Variants in DDAH1 observed in about 807,000 individuals in gnomAD.
DDAH1 encodes the protein N(G),N(G)-dimethylarginine dimethylaminohydrolase 1.
In DDAH1, 19 loss-of-function variants were observed where a neutral mutation model predicts 28.8. The observed-to-expected ratio is 0.66, with a 90% CI of 0.46 to 0.97. The LOEUF (loss-of-function observed/expected upper bound fraction) is 0.97, where lower values mean the gene tolerates loss of function less well. Ranked by LOEUF, DDAH1 falls within the 50% of genes least tolerant of loss-of-function variation. DDAH1 has a pLI of 0.00. For synonymous variants in DDAH1, 153 were observed against 154.4 expected (o/e 0.99, Z 0.07); for missense variants, 326 against 375.9 (o/e 0.87, Z 1.10).
chr1:85,336,988 A>G (rs147734801), intron 4 of DDAH1, among the ~76,000 whole-genome samples: 89 of 152,334 alleles, frequency 5.8e-4, no homozygotes, highest in Middle Eastern at 6.8e-3. Flanking sequence ...TCAAAAAGAT[A>G]TTACACCATG....
chr1:85,321,577 G>A lies in DDAH1; in HGVS notation c.742-9C>T. 1 of 1,582,552 alleles carries A rather than the reference G, an allele frequency of 6.3e-7. No individual in the cohort carries two copies. The highest frequency in any genetic ancestry group is 8.7e-7 in the Non-Finnish European group (1 of 1,151,664). On this transcript the variant is annotated splice_polypyrimidine_tract_variant and intron_variant, in intron 5 of 5. Coordinates refer to ENST00000284031, the MANE Select transcript of DDAH1 (RefSeq NM_012137.4). ...TTCAGTTTCTCATAAACCTACAGTG[G>A]GAATCAAGGAAAAGGAAGAAAAGAA...
At chr1:85,575,616 T>A (rs1486746757) in intron 1 of DDAH1, among the ~76,000 whole-genome samples, 1 of 152,246 alleles carries the variant, frequency 6.6e-6, no homozygotes, top group East Asian at 1.9e-4. Context: ...TATCAACTAT[T>A]TTTTATATCT....
intron 1 of DDAH1, among the ~76,000 whole-genome samples, chr1:85,425,487 A>G (rs1296688734): frequency 6.6e-6 from 1 of 152,202 alleles, no homozygotes; most frequent in African/African-American, 2.4e-5. Flanking sequence ...CAAACATAAA[A>G]TATCAAACAC....
At chr1:85,575,701 G>A (rs1659582342) in intron 1 of DDAH1, 1 of 152,202 alleles carries the variant, frequency 6.6e-6, no homozygotes, top group African/African-American at 2.4e-5. Context: ...AGAAGAGGAT[G>A]GGCCTGAATG....
intron 1 of DDAH1, among the ~76,000 whole-genome samples, chr1:85,499,666 C>CA (rs56378574): frequency 0.39 from 51,941 of 134,764 alleles, 9,781 homozygotes; most frequent in South Asian, 0.48. Context: ...GACTCCATCT[C>CA]AAAAAAAAAA....
rs233096 is a variant in DDAH1 at position 85,359,469 on chromosome 1, G to A, written c.304-622C>T. ...GCACCCAATTATCCTACCCTTGCCA[G>A]GAAATACAAGATTCCATTTTAAATC... On this transcript the variant is annotated intron_variant, in intron 1 of 5. Transcript: ENST00000284031. Among the ~76,000 whole-genome samples, 1,472 of 152,216 alleles carry A rather than the reference G, an allele frequency of 9.7e-3. 26 individuals carry two copies. The highest frequency in any genetic ancestry group is 0.034 in the African/African-American group (1,406 of 41,524).
rs1207658138 is a variant in DDAH1 at position 85,464,920 on chromosome 1, G to A, written c.126C>T (p.Arg42=). 6 of 1,554,712 alleles carry A rather than the reference G, an allele frequency of 3.9e-6. No homozygotes were observed. The Admixed American group carries it at 7.3e-5, about 19-fold the overall frequency. The change falls in exon 1 of 6, where the codon CGC becomes CGT. Residue 42 remains arginine, a synonymous_variant. Transcript: ENST00000284031. This position sits in a 1 kb window ranked among gnomAD's most constrained non-coding sequence, Gnocchi z 4.4. The part of the protein sequence containing the change: ...SAKGEEVDVA[R]AERQHQLYVG... Reference sequence around the variant, plus strand: ...CGTAGAGCTGGTGCTGCCGTTCCGCGCGGGCGACGTCCACCTCCTCGCCCT... The same window carrying A: ...CGTAGAGCTGGTGCTGCCGTTCCGCACGGGCGACGTCCACCTCCTCGCCCT...
intron 2 of DDAH1, among the ~76,000 whole-genome samples, chr1:85,472,089 A>C (rs1655637341): frequency 6.6e-6 from 1 of 152,218 alleles, no homozygotes; most frequent in Admixed American, 6.5e-5. Flanking sequence ...CCAGACATAA[A>C]ACCTAAAAAT....
chr1:85,395,901 T>TA (rs1361789652), intron 1 of DDAH1, among the ~76,000 whole-genome samples: 1 of 152,176 alleles, frequency 6.6e-6, no homozygotes, highest in Admixed American at 6.5e-5. Flanking sequence ...CTTTTCTTAT[T>TA]AAAAAAATTG....
At chr1:85,326,545 T>C (rs1647407263) in intron 4 of DDAH1, among the ~76,000 whole-genome samples, 1 of 152,228 alleles carries the variant, frequency 6.6e-6, no homozygotes, top group Non-Finnish European at 1.5e-5. Context: ...TCAAAACGTT[T>C]CTTAATCATC....
rs574821163 is a variant in DDAH1 at position 85,547,826 on chromosome 1, A to G, written c.-123+30158T>C. Among the ~76,000 whole-genome samples the G allele has an allele frequency of 3.9e-5, 6 of 152,342 alleles. No individual in the cohort carries two copies. The East Asian group carries it at 9.7e-4, about 25-fold the overall frequency. On this transcript the variant is annotated intron_variant, in intron 1 of 6. Coordinates refer to the DDAH1 transcript ENST00000426972. ...ACAAGACCAGAGGAAATGGATTTTG[A>G]ACATGTCCCAAGAGATCTATAAAAA...
chr1:85,391,041 A>T (rs1257238122), intron 1 of DDAH1, among the ~76,000 whole-genome samples: 1 of 152,208 alleles, frequency 6.6e-6, no homozygotes, highest in Non-Finnish European at 1.5e-5. Context: ...ATTGCTTTTT[A>T]AAAAAATTCA....
chr1:85,549,448 G>A (rs1016307487), intron 1 of DDAH1, among the ~76,000 whole-genome samples: 1 of 152,194 alleles, frequency 6.6e-6, no homozygotes, highest in African/African-American at 2.4e-5. Flanking sequence ...GAATGCTAAT[G>A]CTGCTGCTCA....
At chr1:85,327,491 C>T (rs1435107472) in intron 4 of DDAH1, among the ~76,000 whole-genome samples, 3 of 152,146 alleles carry the variant, frequency 2.0e-5, no homozygotes, top group Non-Finnish European at 4.4e-5. Flanking sequence ...TACAAAGTTC[C>T]CAAAGTTTTT....
chr1:85,382,245 A>C (rs1651030002), intron 1 of DDAH1, among the ~76,000 whole-genome samples: 1 of 152,216 alleles, frequency 6.6e-6, no homozygotes, highest in African/African-American at 2.4e-5. Flanking sequence ...AGCCTTATTG[A>C]TGATATGGAG....
chr1:85,465,612 A>G (rs1655348229), upstream of DDAH1, among the ~76,000 whole-genome samples: 1 of 152,152 alleles, frequency 6.6e-6, no homozygotes, highest in South Asian at 2.1e-4. Flanking sequence ...TTGAGCTTAA[A>G]TCCCACGGGT....
chr1:85,424,051 A>C (rs955583369), intron 1 of DDAH1, among the ~76,000 whole-genome samples: 1 of 152,136 alleles, frequency 6.6e-6, no homozygotes, highest in Non-Finnish European at 1.5e-5. Context: ...AGCCTTGCAT[A>C]CCTGGCATAA....
At chr1:85,551,473 A>C (rs968195223) in intron 1 of DDAH1, among the ~76,000 whole-genome samples, 18 of 152,208 alleles carry the variant, frequency 1.2e-4, no homozygotes, top group Non-Finnish European at 1.3e-4. Flanking sequence ...CCCCTTGCTC[A>C]TTCAGAGTGT....
chr1:85,574,520 T>C (rs1659542371), intron 1 of DDAH1, among the ~76,000 whole-genome samples: 1 of 152,214 alleles, frequency 6.6e-6, no homozygotes, highest in Non-Finnish European at 1.5e-5. Flanking sequence ...CAAACTCCTG[T>C]TCATCCTTTC....
Sources: allele counts gnomAD v4.1 joint callset (sites outside exome capture counted in the v4.1 genomes callset), GRCh38; gene constraint gnomAD v4.1.1; non-coding constraint Gnocchi (gnomAD v3.1); transcripts MANE v1.5; gene names NCBI Gene and HGNC (gene_info 2026-07-23, HGNC 2026-07-21).